The following KCTD16 variants were observed in gnomAD, a reference collection of about 807,000 sequenced individuals.
The protein encoded by KCTD16 is potassium channel tetramerization domain containing 16, also known as BTB/POZ domain-containing protein KCTD16.
A neutral mutation model predicts 33.2 loss-of-function variants in KCTD16; 13 were observed. The ratio of observed to expected loss-of-function variants is 0.39; its 90% CI spans 0.25 to 0.62. The LOEUF (loss-of-function observed/expected upper bound fraction) is 0.62, where lower values mean the gene tolerates loss of function less well. KCTD16 is among the 20% of genes least tolerant of loss of function. KCTD16 has a pLI of 0.50. For synonymous variants in KCTD16, 197 were observed against 195.3 expected, an observed-to-expected ratio of 1.01 and a Z score of -0.07; for missense variants, 441 against 525.1, an observed-to-expected ratio of 0.84 and a Z score of 1.57.
chr5:144,277,134 T>G (rs1755459475), intron 3 of KCTD16, among the ~76,000 whole-genome samples: 1 of 152,194 alleles, frequency 6.6e-6, no homozygotes, highest in Non-Finnish European at 1.5e-5. Flanking sequence ...TATTTTTCCC[T>G]TAAGTGTTTC....
intron 3 of KCTD16, among the ~76,000 whole-genome samples, chr5:144,459,925 G>A (rs537092322): frequency 3.1e-5 from 4 of 130,490 alleles, no homozygotes; most frequent in East Asian, 2.5e-4. Context: ...TCCGCCTCCC[G>A]GGTTCACTCC....
At position 144,472,650 on chromosome 5, in the gene KCTD16, T is replaced by A. The variant is rs6895164; in HGVS notation, c.833-1010T>A. Reference sequence around the variant, plus strand: ...ATTTCTACATTGTTCCTTGGCATATTTGCTGGTATTACAACAACGGATACT... The same window carrying A: ...ATTTCTACATTGTTCCTTGGCATATATGCTGGTATTACAACAACGGATACT... On this transcript the variant is annotated intron_variant, in intron 3 of 3. Transcript: ENST00000512467. 4.9e-3 allele frequency among the ~76,000 whole-genome samples: 741 copies of A among 152,320 alleles called. 7 individuals carry two copies. The highest frequency in any genetic ancestry group is 0.016 in the African/African-American group (681 of 41,568).
Position 144,473,769 on chromosome 5 carries a change from C to T in KCTD16, c.942C>T (p.Ser314=), listed in dbSNP as rs757325891. 9 of 1,613,982 alleles carry T rather than the reference C, an allele frequency of 5.6e-6. No homozygotes were observed. In the Admixed American group the frequency reaches 6.7e-5, roughly 12 times the overall value. ...CTTGCAATGACCTCTCCACATCTAG[C>T]TGCGACAGCCAGTCTGAGGCCAGCT... ...GTSCNDLSTS[S]CDSQSEASSP... The change falls in exon 4 of 4, where the codon AGC becomes AGT. Residue 314 remains serine (S), a synonymous_variant. Transcript: ENST00000512467.
chr5:144,271,233 C>T (rs767422652), intron 3 of KCTD16, among the ~76,000 whole-genome samples: 2 of 151,968 alleles, frequency 1.3e-5, no homozygotes, highest in Non-Finnish European at 2.9e-5. Flanking sequence ...AGACTAATAT[C>T]CTTTATGAAA....
intron 3 of KCTD16, among the ~76,000 whole-genome samples, chr5:144,316,490 C>G (rs1751916070): frequency 6.6e-6 from 1 of 151,222 alleles, no homozygotes; most frequent in African/African-American, 2.4e-5. Context: ...CCCCCATCTT[C>G]CCATTTTTGT....
At chr5:144,457,100 T>G (rs961896923) in intron 3 of KCTD16, among the ~76,000 whole-genome samples, 24 of 152,346 alleles carry the variant, frequency 1.6e-4, no homozygotes, top group African/African-American at 5.5e-4. Flanking sequence ...CTATATGTAT[T>G]TAAATGTAAC....
At chr5:144,322,256 A>G (rs1380465646) in intron 3 of KCTD16, among the ~76,000 whole-genome samples, 2 of 152,136 alleles carry the variant, frequency 1.3e-5, no homozygotes, top group African/African-American at 2.4e-5. Flanking sequence ...CCTGCCTAGC[A>G]TCCCCAAGTC....
At chr5:144,405,634 A>G (rs1167713792) in intron 3 of KCTD16, among the ~76,000 whole-genome samples, 1 of 152,194 alleles carries the variant, frequency 6.6e-6, no homozygotes, top group African/African-American at 2.4e-5. Flanking sequence ...TGCTTTGCAC[A>G]GCTCACCAGA....
At chr5:144,396,035 C>G (rs1258210912) in intron 3 of KCTD16, among the ~76,000 whole-genome samples, 1 of 152,140 alleles carries the variant, frequency 6.6e-6, no homozygotes, top group Non-Finnish European at 1.5e-5. Flanking sequence ...TATTTATTAT[C>G]TGTCTCTTTG....
chr5:144,327,858 T>C (rs978861951), intron 3 of KCTD16, among the ~76,000 whole-genome samples: 1 of 152,186 alleles, frequency 6.6e-6, no homozygotes, highest in African/African-American at 2.4e-5. Context: ...AACACTTTGC[T>C]GGTTTGCAGC....
chr5:144,297,381 G>A (rs991289769), intron 3 of KCTD16, among the ~76,000 whole-genome samples: 1 of 152,278 alleles, frequency 6.6e-6, no homozygotes, highest in Admixed American at 6.5e-5. Flanking sequence ...CTGAAGTCAG[G>A]ATGGGTTCAG....
intron 3 of KCTD16, among the ~76,000 whole-genome samples, chr5:144,338,266 GA>G (rs1752540971): frequency 6.6e-6 from 1 of 152,142 alleles, no homozygotes; most frequent in Non-Finnish European, 1.5e-5. Context: ...TGATTTGGGG[GA>G]TAAAATATAA....
At position 144,435,454 on chromosome 5, in the gene KCTD16, C is replaced by T. The variant is rs150929332; in HGVS notation, c.833-38206C>T. 2.5e-3 allele frequency among the ~76,000 whole-genome samples: 387 copies of T among 152,264 alleles called. 10 individuals are homozygous for T. Among genetic ancestry groups the T allele is most frequent in the Admixed American group, 0.023 (344 of 15,272 alleles). Reference sequence around the variant, plus strand: ...CTTCATGTTTTTAAATATAGAACTACCTCATTCTTTTTCAAAGTATGTTTT... The same window carrying T: ...CTTCATGTTTTTAAATATAGAACTATCTCATTCTTTTTCAAAGTATGTTTT... On this transcript the variant is annotated intron_variant, in intron 3 of 3. Coordinates refer to ENST00000512467, the MANE Select transcript of KCTD16 (RefSeq NM_020768.4).
rs188382926 is a variant in KCTD16, at chr5:144,377,213, G to T, written c.833-96447G>T. ...GTCTCTCTTTTTACTTTCTCTTGGGGTTCCTTGATCATCTTAACTATAACA... is the reference window on the plus strand; with the variant it reads ...GTCTCTCTTTTTACTTTCTCTTGGGTTTCCTTGATCATCTTAACTATAACA... On this transcript the variant is annotated intron_variant, in intron 3 of 3. Transcript: ENST00000512467. Among the ~76,000 whole-genome samples the T allele has an allele frequency of 1.7e-3, 259 of 152,188 alleles. 1 individual carries two copies. The highest frequency in any genetic ancestry group is 5.7e-3 in the African/African-American group (236 of 41,522).
At chr5:144,318,991 A>G (rs923068734) in intron 3 of KCTD16, among the ~76,000 whole-genome samples, 1 of 152,212 alleles carries the variant, frequency 6.6e-6, no homozygotes, top group Non-Finnish European at 1.5e-5. Context: ...ATTAAAAATA[A>G]GATGAGGAAA....
intron 3 of KCTD16, among the ~76,000 whole-genome samples, chr5:144,331,943 T>C (rs1375607091): frequency 6.6e-6 from 1 of 152,214 alleles, no homozygotes; most frequent in Non-Finnish European, 1.5e-5. Context: ...ACTCAGAGCA[T>C]TCATAATTGT....
At chr5:144,209,584 T>A (rs1469394071) in intron 3 of KCTD16, among the ~76,000 whole-genome samples, 3 of 151,932 alleles carry the variant, frequency 2.0e-5, no homozygotes, top group Non-Finnish European at 4.4e-5. Context: ...CTTTCTAGGG[T>A]GCATAACAGC....
chr5:144,246,581 T>C (rs1754554488), intron 3 of KCTD16, among the ~76,000 whole-genome samples: 2 of 152,334 alleles, frequency 1.3e-5, no homozygotes, highest in African/African-American at 4.8e-5. Context: ...AGAAACTGGA[T>C]ATAGGGTATT....
intron 3 of KCTD16, among the ~76,000 whole-genome samples, chr5:144,444,166 G>A (rs985863610): frequency 6.6e-6 from 1 of 151,818 alleles, no homozygotes; most frequent in African/African-American, 2.4e-5. Flanking sequence ...TTTTAGCAGA[G>A]AGAGTCAAAA....
Sources: allele counts gnomAD v4.1 joint callset (sites outside exome capture counted in the v4.1 genomes callset), GRCh38; gene constraint gnomAD v4.1.1; transcripts MANE v1.5; gene names NCBI Gene and HGNC (gene_info 2026-07-23, HGNC 2026-07-21).